The following DNAAF11 variants were observed in gnomAD, a reference collection of about 807,000 sequenced individuals.
The protein encoded by DNAAF11 is dynein axonemal assembly factor 11.
In DNAAF11, 45 loss-of-function variants were observed where a neutral mutation model predicts 60.8. The observed-to-expected ratio is 0.74, with a 90% CI of 0.58 to 0.95. The LOEUF (loss-of-function observed/expected upper bound fraction) is 0.95. Ranked by LOEUF, DNAAF11 falls within the 40% of genes least tolerant of loss-of-function variation. The pLI, the probability that DNAAF11 is intolerant of heterozygous loss-of-function variation, is 0.00. For missense variants in DNAAF11, 546 were observed against 546.2 expected (o/e 1.00, Z 0.00); for synonymous variants, 191 against 183.5 (o/e 1.04, Z -0.33).
chr8:132,619,995 G>A (rs1370067392), intron 7 of DNAAF11, among the ~76,000 whole-genome samples: 4 of 152,092 alleles, frequency 2.6e-5, no homozygotes, highest in East Asian at 3.9e-4. Context: ...TTTTCTCAAC[G>A]AAATAGGAAA....
At chr8:132,595,652 A>T (rs1322676089) in intron 10 of DNAAF11, among the ~76,000 whole-genome samples, 1 of 152,222 alleles carries the variant, frequency 6.6e-6, no homozygotes, top group Non-Finnish European at 1.5e-5. Context: ...AAAGAAACAA[A>T]ACAAAATGTT....
chr8:132,573,119 TATAG>T (rs1198286483), intron 11 of DNAAF11, among the ~76,000 whole-genome samples: 2 of 151,910 alleles, frequency 1.3e-5, no homozygotes, highest in Non-Finnish European at 2.9e-5. Context: ...TAGATACAGA[TATAG>T]ATATAGATAT....
At chr8:132,680,272 T>C (rs1263918657), upstream of DNAAF11, among the ~76,000 whole-genome samples, 22 of 152,204 alleles carry the variant, frequency 1.4e-4, no homozygotes, top group Admixed American at 1.4e-3. Flanking sequence ...CAAATAGACT[T>C]ATTTCTTTGG....
At chr8:132,653,118 G>A (rs1483638111) in intron 3 of DNAAF11, among the ~76,000 whole-genome samples, 1 of 151,966 alleles carries the variant, frequency 6.6e-6, no homozygotes, top group Non-Finnish European at 1.5e-5. Context: ...CAAAAGATCA[G>A]TATAATACTA....
intron 10 of DNAAF11, among the ~76,000 whole-genome samples, chr8:132,591,003 G>A (rs112646638): frequency 1.5e-3 from 224 of 152,282 alleles, no homozygotes; most frequent in African/African-American, 5.1e-3. Context: ...GTTTTGAATA[G>A]TTAGATTGTT....
chr8:132,622,899 T>C (rs1819901810), intron 6 of DNAAF11: 1 of 506,070 alleles, frequency 2.0e-6, no homozygotes, highest in Non-Finnish European at 3.5e-6. Flanking sequence ...TATATGGTTG[T>C]ATCTGTATCT....
intron 10 of DNAAF11, among the ~76,000 whole-genome samples, chr8:132,606,447 A>G (rs1286901800): frequency 6.6e-6 from 1 of 152,216 alleles, no homozygotes; most frequent in Non-Finnish European, 1.5e-5. Flanking sequence ...TTAACAAAAA[A>G]TTTTAAAAAG....
intron 8 of DNAAF11, among the ~76,000 whole-genome samples, chr8:132,613,372 C>T (rs568347988): frequency 1.3e-5 from 2 of 152,314 alleles, no homozygotes; most frequent in African/African-American, 4.8e-5. Context: ...AATTCTGACA[C>T]GTGCAACAAC....
At chr8:132,674,314 G>T (rs1825556003) in intron 1 of DNAAF11, among the ~76,000 whole-genome samples, 1 of 152,120 alleles carries the variant, frequency 6.6e-6, no homozygotes, top group Non-Finnish European at 1.5e-5. Context: ...AGCTGATTTA[G>T]GAAAGGAGTT....
chr8:132,622,464 C>A, intron 7 of DNAAF11, 147 bp downstream of exon 7: 2 of 589,196 alleles, frequency 3.4e-6, no homozygotes, highest in South Asian at 3.0e-5. Context: ...AAATATGCAC[C>A]AAATGACATT....
intron 11 of DNAAF11, among the ~76,000 whole-genome samples, chr8:132,575,958 G>A (rs1341998071): frequency 6.6e-6 from 1 of 152,146 alleles, no homozygotes; most frequent in East Asian, 1.9e-4. Flanking sequence ...GAAAGTCTTT[G>A]GCTTTGTGGC....
At chr8:132,698,581 C>T in the DNAAF11 span, among the ~76,000 whole-genome samples, 1 of 152,160 alleles carries the variant, frequency 6.6e-6, no homozygotes, top group Non-Finnish European at 1.5e-5. Context: ...ATTTCCACCA[C>T]ATGCCATGCC....
At chr8:132,583,253 G>A (rs138577324) in intron 11 of DNAAF11, among the ~76,000 whole-genome samples, 2,611 of 152,170 alleles carry the variant, frequency 0.017, 27 homozygotes, top group Non-Finnish European at 0.025. Flanking sequence ...TGACAGCAAC[G>A]GTACCAGCAA....
chr8:132,674,743 G>A (rs1178220944), intron 1 of DNAAF11, among the ~76,000 whole-genome samples: 3 of 152,156 alleles, frequency 2.0e-5, no homozygotes, highest in Non-Finnish European at 4.4e-5. Context: ...ACAAAAATTA[G>A]CCTGGCGTGG....
At chr8:132,599,182 G>A (rs1337964839) in intron 10 of DNAAF11, among the ~76,000 whole-genome samples, 1 of 152,100 alleles carries the variant, frequency 6.6e-6, no homozygotes, top group Non-Finnish European at 1.5e-5. Flanking sequence ...AGAAGAAATG[G>A]ATGAATTCCT....
At chr8:132,654,867 C>G (rs1823390761) in intron 3 of DNAAF11, among the ~76,000 whole-genome samples, 1 of 151,184 alleles carries the variant, frequency 6.6e-6, no homozygotes, top group Non-Finnish European at 1.5e-5. Flanking sequence ...TCTTAAGAAA[C>G]TAGAAAAAAG....
At chr8:132,614,679 G>A (rs868706500) in intron 8 of DNAAF11, among the ~76,000 whole-genome samples, 3 of 152,078 alleles carry the variant, frequency 2.0e-5, no homozygotes, top group Non-Finnish European at 4.4e-5. Flanking sequence ...GAGGGGAGCC[G>A]ATCACCTGAT....
chr8:132,597,113 G>T lies in DNAAF11; in HGVS notation c.1140+13053C>A, dbSNP rs76858378. On this transcript the variant is annotated intron_variant, in intron 10 of 11. Coordinates refer to ENST00000620350, the MANE Select transcript of DNAAF11 (RefSeq NM_012472.6). ...CAGAAAGACTGTGTTTGGAGCCTTT[G>T]CAGTCAGGGACAGAGACATCACTTG... 8.5e-3 allele frequency among the ~76,000 whole-genome samples: 1,294 copies of T among 152,342 alleles called. 20 individuals are homozygous for T. The highest frequency in any genetic ancestry group is 0.029 in the African/African-American group (1,207 of 41,580).
chr8:132,649,225 C>T (rs1226968612), intron 3 of DNAAF11, among the ~76,000 whole-genome samples: 1 of 152,142 alleles, frequency 6.6e-6, no homozygotes, highest in African/African-American at 2.4e-5. Flanking sequence ...ACATCTACAA[C>T]CATCTGATCT....
Sources: allele counts gnomAD v4.1 joint callset (sites outside exome capture counted in the v4.1 genomes callset), GRCh38; gene constraint gnomAD v4.1.1; transcripts MANE v1.5; gene names NCBI Gene and HGNC (gene_info 2026-07-23, HGNC 2026-07-21).